COL4A2: variants seen among roughly 807,000 people sequenced by gnomAD.
COL4A2 encodes the protein collagen alpha-2(IV) chain.
COL4A2 carries 99 observed loss-of-function variants against 200.2 expected under a neutral mutation model. That is an observed-to-expected ratio of 0.49 (90% CI 0.42 to 0.58). COL4A2 has a LOEUF of 0.58. Ranked by LOEUF, COL4A2 falls within the 20% of genes least tolerant of loss-of-function variation. The pLI, the probability that COL4A2 is intolerant of heterozygous loss-of-function variation, is 0.00. For missense variants in COL4A2, 1,950 were observed against 2,314.1 expected (o/e 0.84, Z 3.23); for synonymous variants, 897 against 900.6 (o/e 1.00, Z 0.07).
At chr13:110,325,406 A>ACC (rs1174380996) in intron 3 of COL4A2, among the ~76,000 whole-genome samples, 8 of 152,204 alleles carry the variant, frequency 5.3e-5, no homozygotes, top group South Asian at 2.1e-4. Context: ...CCATGCATTG[A>ACC]TGGGCTCTAG....
rs1882542387 is a variant in COL4A2 at position 110,473,073 on chromosome 13, C to A, written c.2348C>A (p.Pro783Gln). The A allele has an allele frequency of 6.5e-7, 1 of 1,540,860 alleles. No individual in the cohort carries two copies. The highest frequency in any genetic ancestry group is 1.4e-5 in the African/African-American group (1 of 72,524). ...PGEVLGAQPG[P>Q]RGDAGVPGQP... ...GAAGTCCTGGGAGCTCAGCCCGGGC[C>A]ACGGGGAGATGCTGGTGTGCCTGGA... Residue 783 changes from proline to glutamine, a missense_variant, in exon 29 of 48, where the codon CCA (proline) becomes CAA (glutamine). By Grantham distance (76) the Pro-to-Gln change is moderately conservative. Coordinates refer to ENST00000360467, the MANE Select transcript of COL4A2 (RefSeq NM_001846.4).
chr13:110,448,820 G>C (rs1057119528), intron 18 of COL4A2, among the ~76,000 whole-genome samples: 3 of 152,220 alleles, frequency 2.0e-5, no homozygotes, highest in African/African-American at 7.2e-5. Context: ...GGGTGACCCT[G>C]TGAGGTGGAG....
At chr13:110,363,997 G>A (rs1055134489) in intron 4 of COL4A2, among the ~76,000 whole-genome samples, 3 of 152,154 alleles carry the variant, frequency 2.0e-5, no homozygotes, top group African/African-American at 4.8e-5. Context: ...CACTGCACCC[G>A]GCCTCTGTCT....
chr13:110,426,500 A>C (rs1354174197), intron 6 of COL4A2, among the ~76,000 whole-genome samples: 2 of 152,244 alleles, frequency 1.3e-5, no homozygotes, highest in Non-Finnish European at 2.9e-5. Flanking sequence ...GCCATAAGTA[A>C]TCAGTTAACA....
At chr13:110,381,156 C>T (rs796507399) in intron 4 of COL4A2, among the ~76,000 whole-genome samples, 22 of 150,988 alleles carry the variant, frequency 1.5e-4, no homozygotes, top group African/African-American at 5.4e-4. Context: ...TGGGCTCTAT[C>T]TCACATCCAC....
intron 3 of COL4A2, among the ~76,000 whole-genome samples, chr13:110,345,098 GA>G (rs1876638212): frequency 1.3e-5 from 2 of 152,144 alleles, no homozygotes; most frequent in South Asian, 4.1e-4. Context: ...GTGGGGACTA[GA>G]TGTGAATCAA....
intron 4 of COL4A2, among the ~76,000 whole-genome samples, chr13:110,398,068 A>G (rs970384661): frequency 1.3e-5 from 2 of 151,322 alleles, no homozygotes; most frequent in African/African-American, 4.9e-5. Flanking sequence ...TTTTTAGAAA[A>G]ACTCAAAAAT....
intron 28 of COL4A2, among the ~76,000 whole-genome samples, chr13:110,470,612 A>C (rs1275003356): frequency 6.6e-6 from 1 of 152,138 alleles, no homozygotes; most frequent in Non-Finnish European, 1.5e-5. Flanking sequence ...ACCCCCACTT[A>C]TCAGGATTCT....
chr13:110,418,452 C>T (rs1421131698), intron 4 of COL4A2, among the ~76,000 whole-genome samples: 1 of 152,176 alleles, frequency 6.6e-6, no homozygotes, highest in Non-Finnish European at 1.5e-5. Flanking sequence ...CAAAGATTTT[C>T]CCCTGTGTTT....
At chr13:110,483,429 AC>A (rs1306604230) in intron 32 of COL4A2, among the ~76,000 whole-genome samples, 1 of 152,234 alleles carries the variant, frequency 6.6e-6, no homozygotes. Context: ...ATAGGTACAG[AC>A]AAAAATGTGG....
chr13:110,507,678 C>T, intron 46 of COL4A2: 3 of 571,942 alleles, frequency 5.2e-6, no homozygotes, highest in Non-Finnish European at 9.4e-6. Context: ...ACGCCACTCC[C>T]TGGTGATCCA....
In COL4A2 at chr13:110,357,595, C is replaced by T. The variant is rs201411320; in HGVS notation, c.180+43C>T. The stretch of plus-strand genomic sequence containing the variant: ...AATAAATAATATTATCTTCCTCATA[C>T]AGTCATGCCTCGCTTAACAACGGGG... On this transcript the variant is annotated intron_variant, in intron 4 of 47. Transcript: ENST00000360467. The T allele has an allele frequency of 1.6e-4, 242 of 1,552,366 alleles. 1 individual carries two copies. The African/African-American group carries it at 3.0e-3, about 19-fold the overall frequency.
At chr13:110,489,600 G>T (rs2139534072) in intron 35 of COL4A2, 92 bp downstream of exon 35, 1 of 1,589,130 alleles carries the variant, frequency 6.3e-7, no homozygotes. Context: ...GTGCTGTTAG[G>T]TATTTTAAAA....
chr13:110,441,779 A>G (rs1881131428), intron 16 of COL4A2, among the ~76,000 whole-genome samples: 1 of 152,154 alleles, frequency 6.6e-6, no homozygotes, highest in Non-Finnish European at 1.5e-5. Context: ...TCCATCTTCA[A>G]CACAAGGGAC....
intron 4 of COL4A2, among the ~76,000 whole-genome samples, chr13:110,380,752 G>T (rs1366207493): frequency 7.2e-6 from 1 of 139,240 alleles, no homozygotes; most frequent in Admixed American, 7.3e-5. Flanking sequence ...CACGTGCTCT[G>T]TCTCACACCC....
At chr13:110,376,083 G>A (rs1419897272) in intron 4 of COL4A2, among the ~76,000 whole-genome samples, 4 of 152,114 alleles carry the variant, frequency 2.6e-5, no homozygotes, top group Admixed American at 6.5e-5. Context: ...TTTTGCTAAG[G>A]AAAGAACTAT....
chr13:110,472,679 G>A (rs1186925359), intron 28 of COL4A2, among the ~76,000 whole-genome samples: 1 of 152,090 alleles, frequency 6.6e-6, no homozygotes, highest in Non-Finnish European at 1.5e-5. Context: ...TTGTTGGCTT[G>A]TCCACCTTCA....
chr13:110,399,519 T>G (rs942738064), intron 4 of COL4A2, among the ~76,000 whole-genome samples: 1 of 152,222 alleles, frequency 6.6e-6, no homozygotes, highest in African/African-American at 2.4e-5. Flanking sequence ...TCTGAACCAC[T>G]TTACCTATTT....
intron 38 of COL4A2, among the ~76,000 whole-genome samples, chr13:110,492,615 T>G (rs1883321422): frequency 6.6e-6 from 1 of 152,236 alleles, no homozygotes; most frequent in Non-Finnish European, 1.5e-5. Context: ...TGCCACCTGT[T>G]TGCTGTGTCC....
Sources: allele counts gnomAD v4.1 joint callset (sites outside exome capture counted in the v4.1 genomes callset), GRCh38; gene constraint gnomAD v4.1.1; transcripts MANE v1.5; gene names NCBI Gene and HGNC (gene_info 2026-07-23, HGNC 2026-07-21).